Variants in KCTD21 observed in about 807,000 individuals in gnomAD.
KCTD21 encodes BTB/POZ domain-containing protein KCTD21.
Under a neutral mutation model 13.2 loss-of-function variants are expected in KCTD21, and 9 were observed. That is an observed-to-expected ratio of 0.68 (90% CI 0.41 to 1.19). KCTD21 has a LOEUF of 1.19. KCTD21 is among the 50% of genes most tolerant of loss of function. The pLI is 0.01. For synonymous variants in KCTD21, 142 were observed against 137.4 expected, an observed-to-expected ratio of 1.03 and a Z score of -0.23; for missense variants, 303 against 336.5, an observed-to-expected ratio of 0.90 and a Z score of 0.78.
At chr11:78,182,564 A>T (rs1862660810) in intron 1 of KCTD21, among the ~76,000 whole-genome samples, 1 of 152,218 alleles carries the variant, frequency 6.6e-6, no homozygotes, top group Non-Finnish European at 1.5e-5. Context: ...CAATGTTTAA[A>T]AATAAACATA....
At chr11:78,176,523 G>C (rs1862453383) in intron 1 of KCTD21, among the ~76,000 whole-genome samples, 1 of 152,186 alleles carries the variant, frequency 6.6e-6, no homozygotes, top group South Asian at 2.1e-4. Context: ...GAGCCAACCT[G>C]TGGACCAGAT....
At chr11:78,175,957 C>A (rs1310252264) in intron 1 of KCTD21, among the ~76,000 whole-genome samples, 1 of 151,978 alleles carries the variant, frequency 6.6e-6, no homozygotes, top group Non-Finnish European at 1.5e-5. Flanking sequence ...TTGTTCAATT[C>A]CCACCTATGA....
intron 1 of KCTD21, chr11:78,188,318 C>T: frequency 1.0e-6 from 1 of 985,042 alleles, no homozygotes; most frequent in Non-Finnish European, 1.2e-6. Flanking sequence ...CCTCATTATC[C>T]GGGCTTTTCC....
intron 1 of KCTD21, chr11:78,188,025 T>C (rs1191998210): frequency 2.0e-6 from 2 of 985,434 alleles, no homozygotes; most frequent in Non-Finnish European, 2.4e-6. Context: ...GGATGGACTC[T>C]TTATTTCCAG....
At chr11:78,181,866 A>G (rs539488245) in intron 1 of KCTD21, among the ~76,000 whole-genome samples, 2 of 152,236 alleles carry the variant, frequency 1.3e-5, no homozygotes, top group Non-Finnish European at 2.9e-5. Context: ...CCTATTGGCA[A>G]GTCATGACAT....
intron 1 of KCTD21, among the ~76,000 whole-genome samples, chr11:78,183,761 G>T (rs1414765258): frequency 6.7e-6 from 1 of 149,230 alleles, no homozygotes; most frequent in African/African-American, 2.5e-5. Context: ...TCAGCCTCCC[G>T]AGTAGCTGAG....
At chr11:78,187,671 C>T (rs1862829385) in intron 1 of KCTD21, 1 of 985,422 alleles carries the variant, frequency 1.0e-6, no homozygotes, top group Admixed American at 6.1e-5. Flanking sequence ...TTATAAACAC[C>T]GTGCTTTCAA....
intron 1 of KCTD21, among the ~76,000 whole-genome samples, chr11:78,182,282 G>C (rs1463806332): frequency 7.2e-6 from 1 of 138,800 alleles, no homozygotes; most frequent in African/African-American, 2.7e-5. Flanking sequence ...ACAGAGCCAG[G>C]CCTTATCCCA....
chr11:78,188,215 G>GC (rs1014117088), intron 1 of KCTD21: 3 of 983,278 alleles, frequency 3.1e-6, no homozygotes, highest in Non-Finnish European at 3.6e-6. Context: ...CAGCCCTACA[G>GC]CCCCCACTCC....
chr11:78,187,509 T>C (rs1296149430), intron 1 of KCTD21: 1 of 985,256 alleles, frequency 1.0e-6, no homozygotes, highest in East Asian at 1.1e-4. Flanking sequence ...TCATCTGGCG[T>C]AGACCTCCAA....
intron 1 of KCTD21, among the ~76,000 whole-genome samples, chr11:78,183,792 C>T (rs1008423792): frequency 2.0e-5 from 3 of 151,854 alleles, no homozygotes; most frequent in Admixed American, 6.5e-5. Context: ...CCCGCCACCT[C>T]GCTCGGCTAA....
At chr11:78,181,380 G>A (rs376747242) in intron 1 of KCTD21, among the ~76,000 whole-genome samples, 7 of 152,288 alleles carry the variant, frequency 4.6e-5, no homozygotes, top group East Asian at 1.9e-4. Flanking sequence ...AAAGCATTAC[G>A]TCAAGTGAAA....
intron 1 of KCTD21, among the ~76,000 whole-genome samples, chr11:78,179,278 G>C (rs999084162): frequency 2.0e-5 from 3 of 150,912 alleles, no homozygotes; most frequent in Admixed American, 2.0e-4. Flanking sequence ...CAAGTGATCT[G>C]CCCATCCAGG....
In KCTD21 at chr11:78,172,913, C is replaced by G. The variant is rs1050330942; in HGVS notation, c.*859G>C. ...TAGGGGTGGGGGAGGACTAAGCAAT[C>G]ATCGAATTATTTCCAACCCTGAGAA... On this transcript the variant is annotated 3_prime_UTR_variant, in exon 2 of 2. Coordinates refer to ENST00000340067, the MANE Select transcript of KCTD21 (RefSeq NM_001029859.3). 7 of 152,528 alleles carry G rather than the reference C, an allele frequency of 4.6e-5. No individual in the cohort carries two copies. Among genetic ancestry groups the G allele is most frequent in the African/African-American group, 1.7e-4 (7 of 41,408 alleles). 9.4% of individuals were successfully genotyped at this position (152,528 alleles called of 1,614,324 possible).
chr11:78,173,625 C>T lies in KCTD21; in HGVS notation c.*147G>A, dbSNP rs1862348701. On this transcript the variant is annotated 3_prime_UTR_variant, in exon 2 of 2. Transcript: ENST00000340067. ...AGGACACTGGATTCCAAAAGGTGGA[C>T]TTCATCATGGGGGGAATCAAGTCCT... The T allele has an allele frequency of 8.2e-6, 6 of 730,262 alleles. No homozygotes were observed. Among genetic ancestry groups the T allele is most frequent in the Non-Finnish European group, 9.2e-6 (4 of 436,110 alleles). 45.2% of individuals were successfully genotyped at this position (730,262 alleles called of 1,614,324 possible). A position where few individuals can be genotyped will look rare whatever the true frequency, so the allele number is the denominator to read the frequency against.
chr11:78,180,565 C>G (rs1435653295), intron 1 of KCTD21, among the ~76,000 whole-genome samples: 1 of 152,178 alleles, frequency 6.6e-6, no homozygotes, highest in African/African-American at 2.4e-5. Context: ...AGAAGATATG[C>G]AGATGACTGA....
chr11:78,188,208 C>A (rs1337305872), intron 1 of KCTD21: 1 of 985,056 alleles, frequency 1.0e-6, no homozygotes, highest in Non-Finnish European at 1.2e-6. Context: ...CACTCCCCAG[C>A]CCTACAGCCC....
intron 1 of KCTD21, 112 bp from the exon 2 acceptor site, chr11:78,174,695 A>C (rs997460280): frequency 1.4e-6 from 1 of 705,746 alleles, no homozygotes; most frequent in Middle Eastern, 4.0e-4. Context: ...GAAATGAATT[A>C]ATACCTGATG....
At chr11:78,177,502 A>G (rs572633684) in intron 1 of KCTD21, among the ~76,000 whole-genome samples, 62 of 152,230 alleles carry the variant, frequency 4.1e-4, no homozygotes, top group African/African-American at 1.4e-3. Context: ...TCAGGGCTGA[A>G]TCTGGCCAAT....
Sources: allele counts gnomAD v4.1 joint callset (sites outside exome capture counted in the v4.1 genomes callset), GRCh38; gene constraint gnomAD v4.1.1; transcripts MANE v1.5; gene names NCBI Gene and HGNC (gene_info 2026-07-23, HGNC 2026-07-21).